Variants in DYNC2I1 observed in about 807,000 individuals in gnomAD.
DYNC2I1 encodes dynein 2 intermediate chain 1, also known as cytoplasmic dynein 2 intermediate chain 1.
A neutral mutation model predicts 133.4 loss-of-function variants in DYNC2I1; 89 were observed. The ratio of observed to expected loss-of-function variants is 0.67; its 90% CI spans 0.56 to 0.80. DYNC2I1 has a LOEUF of 0.80. DYNC2I1 is among the 30% of genes least tolerant of loss of function. The pLI, the probability that DYNC2I1 is intolerant of heterozygous loss-of-function variation, is 0.00. For synonymous variants in DYNC2I1, 504 were observed against 484.3 expected (o/e 1.04, Z -0.54); for missense variants, 1,291 against 1,314.5 (o/e 0.98, Z 0.28).
At chr7:158,925,045 C>G (rs970422187) in intron 17 of DYNC2I1, among the ~76,000 whole-genome samples, 1 of 152,146 alleles carries the variant, frequency 6.6e-6, no homozygotes, top group African/African-American at 2.4e-5. Context: ...CATAAGCCAC[C>G]GCACCCGGCC....
intron 20 of DYNC2I1, among the ~76,000 whole-genome samples, chr7:158,929,445 C>G (rs1156333833): frequency 6.7e-6 from 1 of 149,860 alleles, no homozygotes; most frequent in Non-Finnish European, 1.5e-5. Flanking sequence ...CGGAAAGGGC[C>G]TGGCCAGAAA....
At chr7:158,874,325 AG>A (rs1271204058) in intron 3 of DYNC2I1, among the ~76,000 whole-genome samples, 1 of 151,868 alleles carries the variant, frequency 6.6e-6, no homozygotes, top group African/African-American at 2.4e-5. Context: ...CTCATGCCTC[AG>A]CCCCCTGAGT....
intron 15 of DYNC2I1, among the ~76,000 whole-genome samples, chr7:158,921,936 C>T (rs746696631): frequency 3.9e-5 from 6 of 152,050 alleles, no homozygotes; most frequent in East Asian, 1.9e-4. Flanking sequence ...GTGTCTGGAA[C>T]GGCGCTCAGC....
chr7:158,870,445 C>T (rs1842780728), intron 2 of DYNC2I1, among the ~76,000 whole-genome samples: 1 of 152,044 alleles, frequency 6.6e-6, no homozygotes, highest in African/African-American at 2.4e-5. Flanking sequence ...CCTTGACCTT[C>T]TGGGCCTGAG....
chr7:158,910,409 G>A (rs1352137630), intron 11 of DYNC2I1, among the ~76,000 whole-genome samples: 7 of 92,272 alleles, frequency 7.6e-5, no homozygotes, highest in Admixed American at 5.9e-4. Context: ...CAGACCTGTG[G>A]GAGCGCGATT....
chr7:158,908,753 C>T (rs774737142), intron 11 of DYNC2I1, among the ~76,000 whole-genome samples: 6 of 152,128 alleles, frequency 3.9e-5, no homozygotes, highest in African/African-American at 9.7e-5. Flanking sequence ...AGAGGCTGGG[C>T]GGTCGGGAGC....
intron 23 of DYNC2I1, among the ~76,000 whole-genome samples, chr7:158,940,780 C>G (rs937380029): frequency 1.3e-5 from 2 of 151,990 alleles, no homozygotes; most frequent in Non-Finnish European, 2.9e-5. Flanking sequence ...TTTATTGAAA[C>G]AAATGAAAAT....
In DYNC2I1 at chr7:158,873,819, C is replaced by T. The variant is rs138339913; in HGVS notation, c.490+2257C>T. Among the ~76,000 whole-genome samples, 602 of 151,954 alleles carry T rather than the reference C, an allele frequency of 4.0e-3. 5 individuals carry two copies. The highest frequency in any genetic ancestry group is 0.013 in the African/African-American group (551 of 41,450). On this transcript the variant is annotated intron_variant, in intron 3 of 24. Coordinates refer to ENST00000407559, the MANE Select transcript of DYNC2I1 (RefSeq NM_018051.5). The stretch of plus-strand genomic sequence containing the variant: ...TTGCCCAGGCTGGAGTGAAGAGGCG[C>T]GATCTCGGCCCACTGCAGCCTCCGC...
chr7:158,941,325 C>T (rs1376207466), intron 23 of DYNC2I1, among the ~76,000 whole-genome samples: 1 of 152,166 alleles, frequency 6.6e-6, no homozygotes, highest in Non-Finnish European at 1.5e-5. Flanking sequence ...TGGAGCCAAT[C>T]TTAATGGCCC....
chr7:158,913,318 A>C (rs1458668317), intron 13 of DYNC2I1, among the ~76,000 whole-genome samples: 3 of 152,224 alleles, frequency 2.0e-5, no homozygotes, highest in Admixed American at 6.5e-5. Context: ...CTCGAGGCCC[A>C]GTCTGTGCCA....
rs1219562171 is a variant in DYNC2I1 at position 158,942,029 on chromosome 7, GTGGTCCCCAACCAGGCCTGCCGTGTTCC to G, written c.2888_2915del (p.Ser963CysfsTer64). ...ACAGCCATGCGGTCACCGGCCTGCAGTGGTCCCCAACCAGGCCTGCCGTGTTCCTGGTGCAGGACGACACATCCAACAT... is the reference window on the plus strand; with the variant it reads ...ACAGCCATGCGGTCACCGGCCTGCAGTGGTGCAGGACGACACATCCAACAT... On this transcript the variant is annotated frameshift_variant, in exon 24 of 25. Coordinates refer to ENST00000407559, the MANE Select transcript of DYNC2I1 (RefSeq NM_018051.5). LOFTEE classifies it high-confidence loss of function. 6.2e-7 allele frequency: 1 copy of G among 1,613,556 alleles called. No homozygotes were observed. The highest frequency in any genetic ancestry group is 8.5e-7 in the Non-Finnish European group (1 of 1,179,814).
At chr7:158,845,630 T>C in the DYNC2I1 span, among the ~76,000 whole-genome samples, 1 of 152,232 alleles carries the variant, frequency 6.6e-6, no homozygotes, top group Non-Finnish European at 1.5e-5. Context: ...AAAATGCCCG[T>C]ATACTTAACC....
chr7:158,909,825 GATGAAA>G (rs1847211340), intron 11 of DYNC2I1, among the ~76,000 whole-genome samples: 1 of 152,188 alleles, frequency 6.6e-6, no homozygotes, highest in African/African-American at 2.4e-5. Flanking sequence ...GGGTCGAGGG[GATGAAA>G]ATGGAAGTTG....
intron 13 of DYNC2I1, among the ~76,000 whole-genome samples, chr7:158,913,434 TAGGGG>T (rs1248954760): frequency 6.6e-6 from 1 of 152,218 alleles, no homozygotes; most frequent in Non-Finnish European, 1.5e-5. Context: ...GTTTTTAACT[TAGGGG>T]AAGCCTATTC....
chr7:158,863,809 C>G (rs1842132205), intron 1 of DYNC2I1, among the ~76,000 whole-genome samples: 1 of 108,846 alleles, frequency 9.2e-6, no homozygotes, highest in South Asian at 3.6e-4. Flanking sequence ...ACGTCCTTAG[C>G]TCTGGGTGTT....
intron 5 of DYNC2I1, among the ~76,000 whole-genome samples, chr7:158,883,846 A>G (rs1024758454): frequency 5.4e-5 from 8 of 147,430 alleles, no homozygotes; most frequent in Admixed American, 4.1e-4. Context: ...TTGTATTTTT[A>G]GTAGAGACGG....
At chr7:158,915,392 C>G (rs1321792307) in intron 14 of DYNC2I1, among the ~76,000 whole-genome samples, 386 of 101,100 alleles carry the variant, frequency 3.8e-3, no homozygotes, top group Middle Eastern at 7.0e-3. Flanking sequence ...CGTCGACATG[C>G]TGGTTGACAT....
At chr7:158,854,510 G>A (rs1221209730), upstream of DYNC2I1, among the ~76,000 whole-genome samples, 3 of 151,454 alleles carry the variant, frequency 2.0e-5, no homozygotes, top group Admixed American at 1.3e-4. Context: ...GGGGGGGGCT[G>A]GGGGATAGCA....
At chr7:158,920,131 G>A (rs1281016190) in intron 15 of DYNC2I1, among the ~76,000 whole-genome samples, 3 of 150,320 alleles carry the variant, frequency 2.0e-5, no homozygotes, top group African/African-American at 7.4e-5. Flanking sequence ...GTACCACAGC[G>A]TGTGGCCTCC....
Sources: allele counts gnomAD v4.1 joint callset (sites outside exome capture counted in the v4.1 genomes callset), GRCh38; gene constraint gnomAD v4.1.1; transcripts MANE v1.5; gene names NCBI Gene and HGNC (gene_info 2026-07-23, HGNC 2026-07-21).